The following FSTL4 variants were observed in gnomAD, a reference collection of about 807,000 sequenced individuals.
FSTL4 encodes the protein follistatin-related protein 4.
In FSTL4, 28 loss-of-function variants were observed where a neutral mutation model predicts 78.2. That is an observed-to-expected ratio of 0.36 (90% confidence interval 0.27 to 0.49). FSTL4 has a LOEUF of 0.49. FSTL4 is among the 20% of genes least tolerant of loss of function. The pLI is 0.98. For missense variants in FSTL4, 922 were observed against 1,084.9 expected (o/e 0.85, Z 2.11); for synonymous variants, 422 against 440.5 (o/e 0.96, Z 0.53).
the FSTL4 span, among the ~76,000 whole-genome samples, chr5:133,682,778 G>A: frequency 0.46 from 69,430 of 152,022 alleles, 16,503 homozygotes; most frequent in East Asian, 0.64. Flanking sequence ...AAACTCCTAC[G>A]GCAGTCTTGA....
At chr5:133,486,533 G>A (rs1190536664) in intron 3 of FSTL4, among the ~76,000 whole-genome samples, 3 of 152,096 alleles carry the variant, frequency 2.0e-5, no homozygotes, top group African/African-American at 2.4e-5. Flanking sequence ...ATCTGAAAGC[G>A]CATTTGAGGA....
chr5:133,284,605 T>C (rs1162175097), intron 6 of FSTL4, among the ~76,000 whole-genome samples: 1 of 145,892 alleles, frequency 6.9e-6, no homozygotes, highest in Non-Finnish European at 1.5e-5. Context: ...TGTGCTGCTC[T>C]GGAACCACTC....
intron 3 of FSTL4, among the ~76,000 whole-genome samples, chr5:133,428,939 C>G (rs1028932685): frequency 6.6e-6 from 1 of 152,210 alleles, no homozygotes; most frequent in South Asian, 2.1e-4. Context: ...TTCCCCAAGT[C>G]TCAGCTGTAG....
chr5:133,479,707 G>A (rs568657326), intron 3 of FSTL4, among the ~76,000 whole-genome samples: 3 of 152,248 alleles, frequency 2.0e-5, no homozygotes, highest in Admixed American at 2.0e-4. Context: ...CCTGGATATC[G>A]GCATCAAGTT....
chr5:133,307,431 T>TGACTCTG (rs1419981822), intron 6 of FSTL4, among the ~76,000 whole-genome samples: 1 of 152,228 alleles, frequency 6.6e-6, no homozygotes, highest in Non-Finnish European at 1.5e-5. Flanking sequence ...CACTAAATCC[T>TGACTCTG]GACTCTGCTA....
chr5:133,259,308 C>T (rs946091582), intron 6 of FSTL4, among the ~76,000 whole-genome samples: 1 of 151,854 alleles, frequency 6.6e-6, no homozygotes, highest in Admixed American at 6.6e-5. Flanking sequence ...GAGAAAACAG[C>T]CCATACAAAG....
intron 1 of FSTL4, among the ~76,000 whole-genome samples, chr5:133,610,175 G>GA (rs1170919687): frequency 2.6e-5 from 4 of 152,180 alleles, no homozygotes; most frequent in African/African-American, 9.6e-5. Flanking sequence ...GGTCATGGTG[G>GA]AAAAATCCAA....
At chr5:133,628,379 G>A in the FSTL4 span, among the ~76,000 whole-genome samples, 1 of 144,078 alleles carries the variant, frequency 6.9e-6, no homozygotes, top group South Asian at 2.2e-4. Context: ...TTTTTTTTGA[G>A]ATGGAGTTTT....
intron 4 of FSTL4, among the ~76,000 whole-genome samples, chr5:133,319,220 G>A (rs899499031): frequency 5.3e-5 from 8 of 152,256 alleles, no homozygotes; most frequent in African/African-American, 1.9e-4. Context: ...AGGAAGGTAT[G>A]TGCAGGTCTA....
chr5:133,772,391 G>C, the FSTL4 span, among the ~76,000 whole-genome samples: 2 of 152,210 alleles, frequency 1.3e-5, no homozygotes, highest in Admixed American at 1.3e-4. Flanking sequence ...CAAAATACCA[G>C]GTCATGAAAG....
chr5:133,797,664 G>T, the FSTL4 span, among the ~76,000 whole-genome samples: 1 of 152,110 alleles, frequency 6.6e-6, no homozygotes, highest in African/African-American at 2.4e-5. Flanking sequence ...TCCTTTGGGG[G>T]TGCTTAGGAT....
At chr5:133,326,702 C>T (rs1474657438) in intron 4 of FSTL4, among the ~76,000 whole-genome samples, 2 of 152,220 alleles carry the variant, frequency 1.3e-5, no homozygotes, top group Admixed American at 6.5e-5. Context: ...CCATCCATTC[C>T]AAACCACACA....
Position 133,353,318 on chromosome 5 carries a change from T to A in FSTL4, c.410-36666A>T, listed in dbSNP as rs535022268. Among the ~76,000 whole-genome samples, 3 of 152,246 alleles carry A rather than the reference T, an allele frequency of 2.0e-5. No individual in the cohort carries two copies. The South Asian group carries it at 6.2e-4, about 32-fold the overall frequency. On this transcript the variant is annotated intron_variant, in intron 4 of 15. Coordinates refer to ENST00000265342, the MANE Select transcript of FSTL4 (RefSeq NM_015082.2). ...CACTGTGAAAAGTTCTTTTCTTGAA[T>A]GGCTTCTTTTCTCTCCTACCTAATT...
the FSTL4 span, among the ~76,000 whole-genome samples, chr5:133,645,111 T>C: frequency 6.6e-6 from 1 of 152,136 alleles, no homozygotes; most frequent in Non-Finnish European, 1.5e-5. Flanking sequence ...AGCTCTCTTA[T>C]TGAAATCTCT....
At chr5:133,417,076 T>A (rs1279342369) in intron 3 of FSTL4, among the ~76,000 whole-genome samples, 1 of 152,358 alleles carries the variant, frequency 6.6e-6, no homozygotes, top group East Asian at 1.9e-4. Context: ...AAAAGATTGT[T>A]GTTCTCATAA....
chr5:133,431,592 T>C (rs1044237734), intron 3 of FSTL4, among the ~76,000 whole-genome samples: 2 of 152,144 alleles, frequency 1.3e-5, no homozygotes, highest in Non-Finnish European at 2.9e-5. Flanking sequence ...GATAAGGCCC[T>C]CAATTATAGC....
rs567746180 is a variant in FSTL4, at chr5:133,497,526, A to G, written c.160+69660T>C. Among the ~76,000 whole-genome samples, 122 of 152,220 alleles carry G rather than the reference A, an allele frequency of 8.0e-4. 1 individual carries two copies. Among genetic ancestry groups the G allele is most frequent in the African/African-American group, 2.8e-3 (115 of 41,522 alleles). On this transcript the variant is annotated intron_variant, in intron 3 of 15. Coordinates refer to ENST00000265342, the MANE Select transcript of FSTL4 (RefSeq NM_015082.2). ...TCAGCCCAAGCTCAGGCAGCTCCTG[A>G]GGCTTGTTCCTTATCCTCACTCATC...
intron 4 of FSTL4, among the ~76,000 whole-genome samples, chr5:133,360,079 T>C (rs934970404): frequency 2.0e-5 from 3 of 152,238 alleles, no homozygotes; most frequent in South Asian, 2.1e-4. Context: ...CAGTGGACCC[T>C]CAGCGTGGCC....
At chr5:133,218,161 C>G (rs1347039331) in intron 12 of FSTL4, among the ~76,000 whole-genome samples, 1 of 152,212 alleles carries the variant, frequency 6.6e-6, no homozygotes, top group East Asian at 1.9e-4. Context: ...GGCAAGTCTG[C>G]TGTTTTACTT....
Sources: gnomAD v4.1 joint callset for allele counts (sites outside exome capture counted in the v4.1 genomes callset) on GRCh38, gnomAD v4.1.1 for gene constraint, MANE v1.5 for transcripts, NCBI Gene and HGNC (gene_info 2026-07-23, HGNC 2026-07-21) for gene names.